The following PRSS23 variants were observed in gnomAD, a reference collection of about 807,000 sequenced individuals.
PRSS23 encodes serine protease 23.
PRSS23 carries 25 observed loss-of-function variants against 34.7 expected under a neutral mutation model. The observed-to-expected ratio is 0.72, with a 90% confidence interval of 0.53 to 1.01. The LOEUF is 1.01. Ranked by LOEUF, PRSS23 falls within the 50% of genes least tolerant of loss-of-function variation. The probability of loss-of-function intolerance (pLI) is 0.00; values close to 1 mark genes in which losing one functional copy is unlikely to be tolerated. For missense variants in PRSS23, 445 were observed against 475.6 expected (o/e 0.94, Z 0.60); for synonymous variants, 176 against 186.6 (o/e 0.94, Z 0.46).
At chr11:86,807,288 G>A (rs1948112298) in intron 1 of PRSS23, among the ~76,000 whole-genome samples, 2 of 152,086 alleles carry the variant, frequency 1.3e-5, no homozygotes, top group South Asian at 2.1e-4. Context: ...GCACAAAGAG[G>A]GCTCAAAATT....
intron 2 of PRSS23, among the ~76,000 whole-genome samples, chr11:86,891,995 TC>T (rs916617989): frequency 5.3e-5 from 8 of 152,340 alleles, no homozygotes; most frequent in African/African-American, 1.2e-4. Flanking sequence ...CTCAAGCAGT[TC>T]TTTATAGCAG....
exon 3 of PRSS23, chr11:86,952,669 T>C: frequency 1.8e-6 from 1 of 564,236 alleles, no homozygotes; most frequent in Non-Finnish European, 3.1e-6. Context: ...TTTTCTTAGT[T>C]TGGCTTTAGT....
chr11:86,945,686 C>G (rs1277375139), intron 2 of PRSS23: 1 of 152,652 alleles, frequency 6.6e-6, no homozygotes, highest in Non-Finnish European at 1.5e-5. Context: ...ACCTAACAAA[C>G]AAAACTTTAT....
chr11:86,844,715 TAGAAAC>T (rs1317318212), intron 2 of PRSS23, among the ~76,000 whole-genome samples: 3 of 152,220 alleles, frequency 2.0e-5, no homozygotes, highest in African/African-American at 7.2e-5. Context: ...CGTCATGACA[TAGAAAC>T]AAACAAGTGT....
At chr11:86,860,528 A>G (rs1001817800) in intron 2 of PRSS23, among the ~76,000 whole-genome samples, 1 of 151,916 alleles carries the variant, frequency 6.6e-6, no homozygotes, top group African/African-American at 2.4e-5. Context: ...CCCCTGTGAT[A>G]TTGTTCGTAA....
At chr11:86,937,846 G>A (rs576865578) in intron 2 of PRSS23, 26 of 152,034 alleles carry the variant, frequency 1.7e-4, no homozygotes, top group African/African-American at 5.8e-4. Flanking sequence ...TCTTTCTTGC[G>A]TGAGATCCAG....
chr11:86,943,534 G>C (rs748150111), intron 2 of PRSS23, among the ~76,000 whole-genome samples: 1 of 151,978 alleles, frequency 6.6e-6, no homozygotes, highest in African/African-American at 2.4e-5. Flanking sequence ...TGAGGAAGGA[G>C]AATCACTTGA....
At chr11:86,929,333 A>C (rs1416315695) in intron 2 of PRSS23, among the ~76,000 whole-genome samples, 2 of 149,716 alleles carry the variant, frequency 1.3e-5, no homozygotes, top group South Asian at 2.1e-4. Context: ...AAAAAAAAAA[A>C]ACAAAAAAAA....
intron 2 of PRSS23, among the ~76,000 whole-genome samples, chr11:86,917,198 A>G (rs887229659): frequency 6.6e-6 from 1 of 152,182 alleles, no homozygotes; most frequent in African/African-American, 2.4e-5. Flanking sequence ...ACAAGCCTGT[A>G]ATCCCAGCTA....
intron 2 of PRSS23, among the ~76,000 whole-genome samples, chr11:86,844,950 A>G (rs1199169942): frequency 6.6e-6 from 1 of 152,166 alleles, no homozygotes; most frequent in Non-Finnish European, 1.5e-5. Flanking sequence ...TTAGCTGGCC[A>G]TAGTGGTGCA....
At chr11:86,871,079 T>G (rs1028468987) in intron 2 of PRSS23, among the ~76,000 whole-genome samples, 4 of 152,200 alleles carry the variant, frequency 2.6e-5, no homozygotes, top group Admixed American at 6.6e-5. Context: ...CTGGACCAGC[T>G]GAATTGGAGC....
chr11:86,835,895 C>A (rs1192978946), intron 2 of PRSS23, among the ~76,000 whole-genome samples: 1 of 152,124 alleles, frequency 6.6e-6, no homozygotes, highest in African/African-American at 2.4e-5. Context: ...ACAAGAGTGT[C>A]CAGGTATGAG....
intron 1 of PRSS23, among the ~76,000 whole-genome samples, chr11:86,803,843 C>T (rs1948068567): frequency 6.6e-6 from 1 of 152,170 alleles, no homozygotes. Flanking sequence ...AAACAGTGGT[C>T]CTGTTGCAGA....
rs1948136225 is a variant in PRSS23 at position 86,808,529 on chromosome 11, G to A, written c.886G>A (p.Asp296Asn). Residue 296 changes from aspartate to asparagine, a missense_variant, in exon 2 of 2, where the codon GAC becomes AAC. Asp to Asn is a conservative substitution (Grantham distance 23, BLOSUM62 1). Transcript: ENST00000280258. ...AGGCAATTTGGTGTATCGCTTCTGT[G>A]ACGTCAAAGACGAGACCTATGACTT... ...RPGNLVYRFCDVKDETYDLLY... is the reference protein window; with the variant it reads ...RPGNLVYRFCNVKDETYDLLY... 3 of 1,614,248 alleles carry A rather than the reference G, an allele frequency of 1.9e-6. No homozygotes were observed. In the East Asian group the frequency reaches 6.7e-5, roughly 36 times the overall value.
At chr11:86,853,888 CTTGT>C (rs1224968974) in intron 2 of PRSS23, among the ~76,000 whole-genome samples, 3 of 152,166 alleles carry the variant, frequency 2.0e-5, no homozygotes, top group East Asian at 1.9e-4. Context: ...TTCACCATTG[CTTGT>C]TTGTTTATCA....
intron 2 of PRSS23, among the ~76,000 whole-genome samples, chr11:86,844,116 G>A (rs541832015): frequency 2.0e-5 from 3 of 152,288 alleles, no homozygotes; most frequent in Admixed American, 6.5e-5. Context: ...CCTTTGCAGG[G>A]ACATGGATGA....
At chr11:86,797,371 T>C (rs1237080478), upstream of PRSS23, among the ~76,000 whole-genome samples, 1 of 152,228 alleles carries the variant, frequency 6.6e-6, no homozygotes, top group Non-Finnish European at 1.5e-5. Context: ...CTTATGGCAA[T>C]CGTGATGACA....
chr11:86,938,589 C>T (rs1330331422), intron 2 of PRSS23, among the ~76,000 whole-genome samples: 2 of 152,096 alleles, frequency 1.3e-5, no homozygotes, highest in Non-Finnish European at 2.9e-5. Context: ...AGGGGAAGAG[C>T]CAGACCTGAG....
chr11:86,912,911 TTTTA>T (rs1484302989), intron 2 of PRSS23, among the ~76,000 whole-genome samples: 3 of 152,276 alleles, frequency 2.0e-5, no homozygotes, highest in African/African-American at 4.8e-5. Flanking sequence ...AAAGTGTTAT[TTTTA>T]TTTGTTTGTT....
Sources: gnomAD v4.1 joint callset for allele counts (sites outside exome capture counted in the v4.1 genomes callset) on GRCh38, gnomAD v4.1.1 for gene constraint, MANE v1.5 for transcripts, NCBI Gene and HGNC (gene_info 2026-07-23, HGNC 2026-07-21) for gene names.